KIF18A: variants seen among roughly 807,000 people sequenced by gnomAD.
KIF18A encodes kinesin family member 18A.
Under a neutral mutation model 103.3 loss-of-function variants are expected in KIF18A, and 67 were observed. The observed-to-expected ratio is 0.65, with a 90% CI of 0.53 to 0.79. The LOEUF (loss-of-function observed/expected upper bound fraction) is 0.79. KIF18A is among the 30% of genes least tolerant of loss of function. KIF18A has a pLI of 0.00. For missense variants in KIF18A, 1,032 were observed against 1,062.5 expected, an observed-to-expected ratio of 0.97 and a Z score of 0.40; for synonymous variants, 367 against 355.5, an observed-to-expected ratio of 1.03 and a Z score of -0.36.
chr11:28,070,307 T>C (rs1340056377), intron 10 of KIF18A, among the ~76,000 whole-genome samples: 3 of 152,208 alleles, frequency 2.0e-5, no homozygotes. Context: ...AAAGATGTAC[T>C]ATTGAGACTT....
intron 9 of KIF18A, among the ~76,000 whole-genome samples, chr11:28,079,519 T>C (rs1289738925): frequency 1.3e-5 from 2 of 152,146 alleles, no homozygotes; most frequent in Non-Finnish European, 2.9e-5. Context: ...CTTTTGACTA[T>C]AATCTTGTTT....
rs75861334 is a variant in KIF18A, at chr11:28,066,227, T to G, written c.1590+3032A>C. The stretch of plus-strand genomic sequence containing the variant: ...TCCAAATAAACTATTAAATAATAAG[T>G]GAAATAAACTGAAAAGTACTGTCAA... On this transcript the variant is annotated intron_variant, in intron 11 of 16. Transcript: ENST00000263181. Among the ~76,000 whole-genome samples the G allele has an allele frequency of 1.3e-3, 203 of 152,154 alleles. 4 individuals are homozygous for G. In the East Asian group the frequency reaches 0.033, roughly 25 times the overall value.
rs928795359 is a variant in KIF18A, at chr11:28,097,488, C to T, written c.325+135G>A. The T allele has an allele frequency of 8.7e-6, 6 of 688,266 alleles. No homozygotes were observed. In the African/African-American group the frequency reaches 1.1e-4, roughly 12 times the overall value. 42.6% of individuals were successfully genotyped at this position (688,266 alleles called of 1,614,324 possible). ...CAAAGTCTATATTTACAGTTCAAGT[C>T]TATTGAATTTCTTAAGAATTTTTAG... On this transcript the variant is annotated intron_variant, in intron 2 of 16. Transcript: ENST00000263181.
intron 9 of KIF18A, among the ~76,000 whole-genome samples, chr11:28,081,724 T>C (rs950469785): frequency 6.6e-6 from 1 of 152,180 alleles, no homozygotes; most frequent in Non-Finnish European, 1.5e-5. Flanking sequence ...TTTTGTGTCT[T>C]CTTATTTAGG....
At chr11:28,044,060 G>C (rs1022641506) in intron 13 of KIF18A, among the ~76,000 whole-genome samples, 3 of 151,806 alleles carry the variant, frequency 2.0e-5, no homozygotes, top group Non-Finnish European at 4.4e-5. Flanking sequence ...GAGAATTCTT[G>C]GAAGTCTGTA....
chr11:28,092,456 C>G (rs763991631), intron 3 of KIF18A, among the ~76,000 whole-genome samples: 23 of 152,144 alleles, frequency 1.5e-4, no homozygotes, highest in Non-Finnish European at 2.8e-4. Context: ...AGAGTAGGAA[C>G]TGGAGCCTAG....
intron 13 of KIF18A, among the ~76,000 whole-genome samples, chr11:28,053,654 CT>C (rs60908640): frequency 1 from 151,806 of 151,818 alleles, 75,897 homozygotes; most frequent in Middle Eastern, 1. Flanking sequence ...TCCCTCCCCC[CT>C]TTCCCCCACC....
At chr11:28,107,551 C>A (rs1851546849) in intron 1 of KIF18A, among the ~76,000 whole-genome samples, 1 of 152,194 alleles carries the variant, frequency 6.6e-6, no homozygotes, top group Admixed American at 6.5e-5. Context: ...ATGCTACCTA[C>A]AACTGGGGCT....
At chr11:28,102,094 G>A (rs191668725) in intron 1 of KIF18A, among the ~76,000 whole-genome samples, 4 of 152,238 alleles carry the variant, frequency 2.6e-5, no homozygotes, top group Admixed American at 1.3e-4. Context: ...AAAAGTCCAC[G>A]TTCTATAGAG....
At chr11:28,058,055 T>C (rs1008563968) in intron 13 of KIF18A, among the ~76,000 whole-genome samples, 43 of 152,282 alleles carry the variant, frequency 2.8e-4, no homozygotes, top group African/African-American at 9.9e-4. Context: ...AGATAGGGCA[T>C]AAAATTGAGG....
intron 15 of KIF18A, among the ~76,000 whole-genome samples, chr11:28,027,447 A>G (rs1850335437): frequency 6.6e-6 from 1 of 151,060 alleles, no homozygotes; most frequent in Non-Finnish European, 1.5e-5. Context: ...CCATGGTTTA[A>G]TGTCTTTTGT....
At chr11:28,093,099 T>C (rs1220854588) in intron 3 of KIF18A, among the ~76,000 whole-genome samples, 1 of 152,124 alleles carries the variant, frequency 6.6e-6, no homozygotes, top group East Asian at 1.9e-4. Flanking sequence ...TAGAAAACCA[T>C]ATTATACACT....
chr11:28,029,569 TATC>T (rs1453417071), intron 15 of KIF18A, among the ~76,000 whole-genome samples: 1 of 152,098 alleles, frequency 6.6e-6, no homozygotes, highest in Non-Finnish European at 1.5e-5. Context: ...CCACAGCCAA[TATC>T]ATACTGAATG....
intron 15 of KIF18A, among the ~76,000 whole-genome samples, chr11:28,025,655 G>A (rs550086163): frequency 6.6e-6 from 1 of 151,976 alleles, no homozygotes; most frequent in South Asian, 2.1e-4. Context: ...TTACGATTTA[G>A]TTAAATAGTC....
At chr11:28,065,763 T>C (rs1250121127) in intron 11 of KIF18A, among the ~76,000 whole-genome samples, 1 of 152,064 alleles carries the variant, frequency 6.6e-6, no homozygotes, top group Non-Finnish European at 1.5e-5. Context: ...AAGTTCTTAG[T>C]ACTTCTGTAG....
chr11:28,071,077 A>G (rs1851007248), intron 10 of KIF18A, among the ~76,000 whole-genome samples: 1 of 152,134 alleles, frequency 6.6e-6, no homozygotes, highest in Non-Finnish European at 1.5e-5. Context: ...AGCAAAAACT[A>G]AAAAAAGAAT....
intron 10 of KIF18A, among the ~76,000 whole-genome samples, chr11:28,073,615 T>C (rs1339762606): frequency 6.6e-6 from 1 of 152,184 alleles, no homozygotes; most frequent in Non-Finnish European, 1.5e-5. Context: ...ATCTATCTCA[T>C]AGGCTTGTTA....
chr11:28,044,107 T>A (rs1256885171), intron 13 of KIF18A, among the ~76,000 whole-genome samples: 1 of 151,936 alleles, frequency 6.6e-6, no homozygotes, highest in Non-Finnish European at 1.5e-5. Context: ...CTTACCCCAT[T>A]ACCATCACCT....
At chr11:28,104,195 TTCA>T (rs1851478569) in intron 1 of KIF18A, among the ~76,000 whole-genome samples, 1 of 152,178 alleles carries the variant, frequency 6.6e-6, no homozygotes, top group African/African-American at 2.4e-5. Context: ...TGATACTTTC[TTCA>T]AAAGCATTCA....
Sources: gnomAD v4.1 joint callset for allele counts (sites outside exome capture counted in the v4.1 genomes callset) on GRCh38, gnomAD v4.1.1 for gene constraint, MANE v1.5 for transcripts, NCBI Gene and HGNC (gene_info 2026-07-23, HGNC 2026-07-21) for gene names.